Variants in NCKAP5 observed in about 807,000 individuals in gnomAD.
NCKAP5 encodes NCK associated protein 5, also known as nck-associated protein 5.
Under a neutral mutation model 167.0 loss-of-function variants are expected in NCKAP5, and 92 were observed. That is an observed-to-expected ratio of 0.55 (90% CI 0.47 to 0.66). The LOEUF is 0.66. NCKAP5 is among the 30% of genes least tolerant of loss of function. The pLI is 0.00. For missense variants in NCKAP5, 2,378 were observed against 2,315.0 expected (o/e 1.03, Z -0.56); for synonymous variants, 891 against 877.4 (o/e 1.02, Z -0.27).
At chr2:133,304,993 C>T (rs938061803) in intron 3 of NCKAP5, among the ~76,000 whole-genome samples, 16 of 152,096 alleles carry the variant, frequency 1.1e-4, no homozygotes, top group Non-Finnish European at 2.2e-4. Flanking sequence ...GAGAAGGAAA[C>T]CATATAGAGA....
intron 3 of NCKAP5, among the ~76,000 whole-genome samples, chr2:133,313,243 A>G (rs1429561644): frequency 1.3e-5 from 2 of 152,184 alleles, no homozygotes; most frequent in Non-Finnish European, 2.9e-5. Flanking sequence ...TAAAACAAAA[A>G]TCAAGAAATG....
At chr2:133,276,023 G>A (rs959380132) in intron 4 of NCKAP5, among the ~76,000 whole-genome samples, 2 of 151,760 alleles carry the variant, frequency 1.3e-5, no homozygotes, top group African/African-American at 4.8e-5. Context: ...CCCTGAGAGA[G>A]CAAGACCAAC....
intron 11 of NCKAP5, among the ~76,000 whole-genome samples, chr2:132,850,869 G>A (rs979189046): frequency 6.6e-6 from 1 of 152,094 alleles, no homozygotes; most frequent in Non-Finnish European, 1.5e-5. Context: ...TGGAGGCAGT[G>A]GTGACATGTT....
At chr2:133,252,669 C>G (rs1056396255) in intron 4 of NCKAP5, among the ~76,000 whole-genome samples, 15 of 152,254 alleles carry the variant, frequency 9.9e-5, no homozygotes, top group Non-Finnish European at 1.8e-4. Flanking sequence ...GGGGTCTGAG[C>G]CCCCATGAGA....
At chr2:132,827,650 C>A (rs2105349777) in intron 11 of NCKAP5, among the ~76,000 whole-genome samples, 1 of 152,282 alleles carries the variant, frequency 6.6e-6, no homozygotes, top group South Asian at 2.1e-4. Flanking sequence ...AAAACCTAGA[C>A]AGTCTGGCTC....
chr2:132,991,623 C>T (rs189839565), intron 7 of NCKAP5, among the ~76,000 whole-genome samples: 508 of 152,298 alleles, frequency 3.3e-3, no homozygotes, highest in African/African-American at 0.012. Flanking sequence ...TATTACTCTG[C>T]TATTATTATA....
At chr2:132,918,713 T>C (rs1350715152) in intron 8 of NCKAP5, among the ~76,000 whole-genome samples, 1 of 152,214 alleles carries the variant, frequency 6.6e-6, no homozygotes, top group African/African-American at 2.4e-5. Context: ...ACACAAGTGA[T>C]TCAAAGGACA....
chr2:133,280,380 T>G (rs1335152962), intron 4 of NCKAP5, among the ~76,000 whole-genome samples: 1 of 152,220 alleles, frequency 6.6e-6, no homozygotes, highest in Non-Finnish European at 1.5e-5. Flanking sequence ...GATAGTTTCT[T>G]TTGTTTTCTG....
intron 8 of NCKAP5, among the ~76,000 whole-genome samples, chr2:132,943,007 G>T (rs545955294): frequency 6.6e-6 from 1 of 152,194 alleles, no homozygotes; most frequent in African/African-American, 2.4e-5. Context: ...CAAGTACAAT[G>T]CCTTGTCATT....
intron 11 of NCKAP5, among the ~76,000 whole-genome samples, chr2:132,835,480 T>G (rs893703400): frequency 6.6e-6 from 1 of 152,184 alleles, no homozygotes; most frequent in Non-Finnish European, 1.5e-5. Flanking sequence ...GCATTCAATT[T>G]CATTAGTATA....
chr2:133,595,915 A>G, the NCKAP5 span, among the ~76,000 whole-genome samples: 13 of 152,260 alleles, frequency 8.5e-5, no homozygotes, highest in East Asian at 2.3e-3. Flanking sequence ...TCATTTAAAA[A>G]TGTACAAACC....
intron 6 of NCKAP5, among the ~76,000 whole-genome samples, chr2:133,009,190 G>A (rs879923548): frequency 7.9e-5 from 12 of 152,114 alleles, no homozygotes; most frequent in African/African-American, 2.7e-4. Flanking sequence ...AATATTCTTG[G>A]ACATGAACTA....
At chr2:132,795,973 G>C (rs1015242180) in intron 12 of NCKAP5, among the ~76,000 whole-genome samples, 1 of 149,750 alleles carries the variant, frequency 6.7e-6, no homozygotes, top group South Asian at 2.1e-4. Context: ...CTTTATGAAT[G>C]TTTAAAGTGA....
At chr2:133,038,018 G>A (rs1030303860) in intron 6 of NCKAP5, among the ~76,000 whole-genome samples, 2 of 152,196 alleles carry the variant, frequency 1.3e-5, no homozygotes, top group Non-Finnish European at 2.9e-5. Context: ...ACTGTTGGTG[G>A]GAATGTAAAT....
chr2:132,774,313 T>C (rs1417331675), intron 15 of NCKAP5, among the ~76,000 whole-genome samples: 1 of 152,206 alleles, frequency 6.6e-6, no homozygotes, highest in Admixed American at 6.5e-5. Flanking sequence ...TGCAAGTTAT[T>C]TTAATAGGAA....
intron 8 of NCKAP5, among the ~76,000 whole-genome samples, chr2:132,945,497 G>A (rs1007822783): frequency 1.3e-4 from 20 of 151,944 alleles, no homozygotes; most frequent in African/African-American, 4.6e-4. Flanking sequence ...AAGACACTAA[G>A]AGCCCACAGC....
At chr2:133,610,446 C>G in the NCKAP5 span, among the ~76,000 whole-genome samples, 1 of 152,146 alleles carries the variant, frequency 6.6e-6, no homozygotes, top group African/African-American at 2.4e-5. Context: ...GACTATCATT[C>G]TGAGTTCCCA....
At chr2:133,654,691 G>A in the NCKAP5 span, among the ~76,000 whole-genome samples, 6 of 152,188 alleles carry the variant, frequency 3.9e-5, no homozygotes, top group Non-Finnish European at 8.8e-5. Context: ...CACAATACCA[G>A]CCACGTGGTT....
In NCKAP5 at chr2:133,308,079, ATTTTTTTT is replaced by A. The variant is rs60111877; in HGVS notation, c.70-4977_70-4970del. Among the ~76,000 whole-genome samples the A allele has an allele frequency of 3.2e-4, 29 of 89,402 alleles. 1 individual carries two copies. The highest frequency in any genetic ancestry group is 9.6e-4 in the Admixed American group (8 of 8,336). 58.7% of individuals were successfully genotyped at this position (89,402 alleles called of 152,430 possible). A position where few individuals can be genotyped will look rare whatever the true frequency, so the allele number is the denominator to read the frequency against. ...ATATAGGGGAAGAAATTATTGTTCT[ATTTTTTTT>A]TTTTTTTTTTTTTTTTTTTGAGACG... On this transcript the variant is annotated intron_variant, in intron 3 of 19. Coordinates refer to ENST00000409261, the MANE Select transcript of NCKAP5 (RefSeq NM_207363.3).
Sources: allele counts gnomAD v4.1 joint callset (sites outside exome capture counted in the v4.1 genomes callset), GRCh38; gene constraint gnomAD v4.1.1; transcripts MANE v1.5; gene names NCBI Gene and HGNC (gene_info 2026-07-23, HGNC 2026-07-21).